LMBRD1: variants seen among roughly 807,000 people sequenced by gnomAD.
LMBRD1 encodes the protein lysosomal cobalamin transport escort protein LMBD1.
Under a neutral mutation model 74.8 loss-of-function variants are expected in LMBRD1, and 64 were observed. The observed-to-expected ratio is 0.86, with a 90% CI of 0.70 to 1.05. LMBRD1 has a LOEUF of 1.05. Ranked by LOEUF, LMBRD1 falls within the 50% of genes least tolerant of loss-of-function variation. The probability of loss-of-function intolerance (pLI) is 0.00; values close to 1 mark genes in which losing one functional copy is unlikely to be tolerated. For synonymous variants in LMBRD1, 204 were observed against 216.3 expected, an observed-to-expected ratio of 0.94 and a Z score of 0.50; for missense variants, 652 against 645.9, an observed-to-expected ratio of 1.01 and a Z score of -0.10.
intron 3 of LMBRD1, among the ~76,000 whole-genome samples, chr6:69,776,012 C>G (rs1383142234): frequency 1.3e-5 from 2 of 152,164 alleles, no homozygotes; most frequent in Non-Finnish European, 2.9e-5. Context: ...TTTACAGCAT[C>G]TCAATATATA....
intron 7 of LMBRD1, among the ~76,000 whole-genome samples, chr6:69,723,083 G>A (rs956412399): frequency 6.6e-6 from 1 of 151,766 alleles, no homozygotes; most frequent in Non-Finnish European, 1.5e-5. Flanking sequence ...AAAAGACAAA[G>A]AAGATCATTA....
intron 3 of LMBRD1, among the ~76,000 whole-genome samples, chr6:69,764,019 C>T (rs746752375): frequency 6.6e-6 from 1 of 150,804 alleles, no homozygotes; most frequent in Non-Finnish European, 1.5e-5. Flanking sequence ...AATATTTAGA[C>T]GAGACTTTGT....
chr6:69,775,510 G>A (rs938523492), intron 3 of LMBRD1, among the ~76,000 whole-genome samples: 2 of 152,172 alleles, frequency 1.3e-5, no homozygotes, highest in East Asian at 1.9e-4. Flanking sequence ...AACTAATGGT[G>A]CAAAAACAAC....
intron 1 of LMBRD1, among the ~76,000 whole-genome samples, chr6:69,791,472 C>T (rs111495307): frequency 8.3e-4 from 127 of 152,284 alleles, no homozygotes; most frequent in African/African-American, 2.8e-3. Context: ...ATTCTATCAA[C>T]GGAGAATAAG....
At chr6:69,681,402 T>C (rs2149834773) in intron 14 of LMBRD1, among the ~76,000 whole-genome samples, 1 of 152,108 alleles carries the variant, frequency 6.6e-6, no homozygotes, top group East Asian at 1.9e-4. Context: ...ATATTATATA[T>C]TTCCTGTTTC....
At chr6:69,760,933 C>A (rs888675287) in intron 3 of LMBRD1, among the ~76,000 whole-genome samples, 2 of 152,090 alleles carry the variant, frequency 1.3e-5, no homozygotes, top group African/African-American at 2.4e-5. Context: ...CTCTCCCTTG[C>A]GGAATCTTGG....
At chr6:69,697,675 C>T in intron 13 of LMBRD1, 34 bp from the exon 14 acceptor site, 2 of 1,256,136 alleles carry the variant, frequency 1.6e-6, no homozygotes, top group South Asian at 1.2e-5. Flanking sequence ...AATATAAAAA[C>T]CGCATTAATA....
intron 8 of LMBRD1, among the ~76,000 whole-genome samples, chr6:69,714,164 T>C (rs760488390): frequency 6.6e-6 from 1 of 152,040 alleles, no homozygotes; most frequent in Non-Finnish European, 1.5e-5. Flanking sequence ...GTATCACTTA[T>C]TTCAATATAT....
chr6:69,723,134 A>G (rs2149859145), intron 7 of LMBRD1, among the ~76,000 whole-genome samples: 1 of 152,308 alleles, frequency 6.6e-6, no homozygotes, highest in African/African-American at 2.4e-5. Flanking sequence ...GGATATAACA[A>G]TTATAAATGC....
chr6:69,726,919 T>C (rs963035048), intron 7 of LMBRD1, among the ~76,000 whole-genome samples: 6 of 152,178 alleles, frequency 3.9e-5, no homozygotes, highest in Non-Finnish European at 8.8e-5. Context: ...TTTGGGAGGC[T>C]GAGGCGAGTG....
chr6:69,715,101 A>G (rs1472694438), intron 8 of LMBRD1, among the ~76,000 whole-genome samples: 2 of 152,138 alleles, frequency 1.3e-5, no homozygotes, highest in East Asian at 3.9e-4. Flanking sequence ...ACTAAGAGGG[A>G]TTTTCTGAAG....
chr6:69,688,142 G>A (rs1436139441), intron 14 of LMBRD1, among the ~76,000 whole-genome samples: 1 of 152,058 alleles, frequency 6.6e-6, no homozygotes, highest in Non-Finnish European at 1.5e-5. Context: ...AAGCATCAAT[G>A]TCACTTTTTA....
intron 1 of LMBRD1, among the ~76,000 whole-genome samples, chr6:69,793,718 C>CTTTTTTTTT (rs34341228): frequency 3.1e-5 from 3 of 96,052 alleles, no homozygotes; most frequent in African/African-American, 4.2e-5. Flanking sequence ...TGTCCTGAAT[C>CTTTTTTTTT]TTTTTTTTTT....
chr6:69,766,715 T>G (rs529625984), intron 3 of LMBRD1, among the ~76,000 whole-genome samples: 4 of 151,702 alleles, frequency 2.6e-5, no homozygotes, highest in African/African-American at 9.7e-5. Context: ...TGATAAAGGA[T>G]TGGTATAATT....
intron 14 of LMBRD1, among the ~76,000 whole-genome samples, chr6:69,694,403 G>A (rs574909594): frequency 6.6e-6 from 1 of 152,168 alleles, no homozygotes; most frequent in African/African-American, 2.4e-5. Context: ...GCAACTCAAA[G>A]CACTTCAACT....
intron 3 of LMBRD1, among the ~76,000 whole-genome samples, chr6:69,754,405 T>A (rs1026748496): frequency 6.6e-5 from 10 of 152,340 alleles, no homozygotes; most frequent in African/African-American, 2.2e-4. Flanking sequence ...ATCTCATTTA[T>A]CTGGAGGACA....
At chr6:69,733,390 T>A (rs770142798) in intron 7 of LMBRD1, among the ~76,000 whole-genome samples, 1 of 152,166 alleles carries the variant, frequency 6.6e-6, no homozygotes, top group East Asian at 1.9e-4. Flanking sequence ...CAAGCAAATA[T>A]GATAATTATA....
rs536540102 is a variant in LMBRD1, at chr6:69,748,820, T to C, written c.473+521A>G. The stretch of plus-strand genomic sequence containing the variant: ...AAGAAGAATTAAGAAAGGGAATTCA[T>C]TGACAAAGATTTAAAAGACTGATAG... On this transcript the variant is annotated intron_variant, in intron 5 of 15. Coordinates refer to ENST00000649934, the MANE Select transcript of LMBRD1 (RefSeq NM_018368.4). Among the ~76,000 whole-genome samples, 173 of 152,162 alleles carry C rather than the reference T, an allele frequency of 1.1e-3. 1 individual carries two copies. Among genetic ancestry groups the C allele is most frequent in the Non-Finnish European group, 1.8e-3 (122 of 67,894 alleles).
intron 14 of LMBRD1, among the ~76,000 whole-genome samples, chr6:69,688,188 C>T (rs1479831588): frequency 6.6e-6 from 1 of 152,042 alleles, no homozygotes; most frequent in Non-Finnish European, 1.5e-5. Context: ...AGTGAAATTG[C>T]TTGACCAGCT....
Sources: allele counts gnomAD v4.1 joint callset (sites outside exome capture counted in the v4.1 genomes callset), GRCh38; gene constraint gnomAD v4.1.1; transcripts MANE v1.5; gene names NCBI Gene and HGNC (gene_info 2026-07-23, HGNC 2026-07-21).